MYO6: variants seen among roughly 807,000 people sequenced by gnomAD.
MYO6 encodes the protein myosin VI.
In MYO6, 74 loss-of-function variants were observed where a neutral mutation model predicts 178.7. The ratio of observed to expected loss-of-function variants is 0.41; its 90% CI spans 0.34 to 0.50. The LOEUF is 0.50. MYO6 is among the 20% of genes least tolerant of loss of function. The pLI, the probability that MYO6 is intolerant of heterozygous loss-of-function variation, is 0.09. For missense variants in MYO6, 1,330 were observed against 1,547.4 expected (o/e 0.86, Z 2.36); for synonymous variants, 477 against 504.6 (o/e 0.95, Z 0.73).
intron 1 of MYO6, among the ~76,000 whole-genome samples, chr6:75,815,039 G>T (rs1480561873): frequency 6.6e-6 from 1 of 152,188 alleles, no homozygotes; most frequent in African/African-American, 2.4e-5. Flanking sequence ...GAAATGAAAT[G>T]ATTAGATTTA....
Position 75,891,214 on chromosome 6 carries a change from C to G in MYO6, c.2868-14C>G. On this transcript the variant is annotated splice_polypyrimidine_tract_variant and intron_variant, in intron 26 of 34. Transcript: ENST00000369977. Reference sequence around the variant, plus strand: ...TTCTGTTAAATTTTTGAAGAGTTTTCTATTTTTTATTAGGAAACTTGAGAT... The same window carrying G: ...TTCTGTTAAATTTTTGAAGAGTTTTGTATTTTTTATTAGGAAACTTGAGAT... The G allele has an allele frequency of 3.2e-6, 5 of 1,565,602 alleles. No homozygotes were observed. Among genetic ancestry groups the G allele is most frequent in the Non-Finnish European group, 1.7e-6 (2 of 1,142,968 alleles).
intron 30 of MYO6, among the ~76,000 whole-genome samples, chr6:75,898,908 C>A (rs945247646): frequency 3.9e-5 from 6 of 152,098 alleles, no homozygotes; most frequent in African/African-American, 1.4e-4. Context: ...TGGTCCATTA[C>A]TTTTATAAAT....
At chr6:75,911,966 T>C (rs1780789295) in intron 33 of MYO6, among the ~76,000 whole-genome samples, 1 of 152,046 alleles carries the variant, frequency 6.6e-6, no homozygotes, top group African/African-American at 2.4e-5. Context: ...CATTTTAAAC[T>C]GAGAGTATGT....
chr6:75,893,938 C>T (rs577990473), intron 28 of MYO6, among the ~76,000 whole-genome samples: 1 of 152,290 alleles, frequency 6.6e-6, no homozygotes, highest in East Asian at 1.9e-4. Context: ...TGTGTTGCAT[C>T]AGAATGATTG....
intron 1 of MYO6, among the ~76,000 whole-genome samples, chr6:75,773,320 G>C (rs1766062890): frequency 1.3e-5 from 2 of 152,152 alleles, no homozygotes; most frequent in Non-Finnish European, 2.9e-5. Context: ...CCATTGTGGA[G>C]AAACTAAGGT....
At chr6:75,772,409 A>G (rs1452548683) in intron 1 of MYO6, among the ~76,000 whole-genome samples, 15 of 152,146 alleles carry the variant, frequency 9.9e-5, no homozygotes, top group Admixed American at 7.2e-4. Context: ...AATTTAGATA[A>G]ACTTTCTTCG....
At chr6:75,912,329 C>T (rs1468002235) in intron 33 of MYO6, among the ~76,000 whole-genome samples, 1 of 151,886 alleles carries the variant, frequency 6.6e-6, no homozygotes, top group East Asian at 1.9e-4. Context: ...ACTGGTTGGA[C>T]CTGATGTTTT....
intron 30 of MYO6, among the ~76,000 whole-genome samples, chr6:75,906,677 A>AAAAAAAC (rs199797436): frequency 1.3e-5 from 2 of 152,250 alleles, no homozygotes; most frequent in East Asian, 1.9e-4. Flanking sequence ...CCCCTTCTCA[A>AAAAAAAC]AAAAAACAAA....
chr6:75,788,222 G>C (rs1767872533), intron 1 of MYO6, among the ~76,000 whole-genome samples: 1 of 151,934 alleles, frequency 6.6e-6, no homozygotes, highest in Non-Finnish European at 1.5e-5. Context: ...AGATTAGCTA[G>C]GTGTGGTGGT....
chr6:75,751,964 T>C (rs1437582524), intron 1 of MYO6, among the ~76,000 whole-genome samples: 2 of 152,072 alleles, frequency 1.3e-5, no homozygotes, highest in African/African-American at 4.8e-5. Flanking sequence ...GGAAGTGTTA[T>C]AACTTAAATA....
chr6:75,750,628 A>G (rs1023104680), intron 1 of MYO6, among the ~76,000 whole-genome samples: 5 of 146,526 alleles, frequency 3.4e-5, no homozygotes, highest in African/African-American at 1.3e-4. Flanking sequence ...TTTTTTTTTG[A>G]GACAGAGCCT....
chr6:75,907,816 G>GTGTGTA, intron 31 of MYO6, 108 bp downstream of exon 31: 1 of 776,338 alleles, frequency 1.3e-6, no homozygotes, highest in South Asian at 1.5e-5. Context: ...GTGTGTGTGT[G>GTGTGTA]TATGTGTGTA....
chr6:75,818,024 C>T (rs1255850417), intron 2 of MYO6, among the ~76,000 whole-genome samples: 2 of 151,996 alleles, frequency 1.3e-5, no homozygotes, highest in African/African-American at 4.8e-5. Context: ...ATTAGTGTGT[C>T]TGTGATCGAC....
chr6:75,909,128 A>C (rs1420044163), intron 32 of MYO6, among the ~76,000 whole-genome samples: 3 of 152,214 alleles, frequency 2.0e-5, no homozygotes, highest in Non-Finnish European at 4.4e-5. Flanking sequence ...GGGCTCAAGC[A>C]ATCCTCCTGC....
chr6:75,896,121 A>C (rs1779282923), intron 29 of MYO6, among the ~76,000 whole-genome samples: 1 of 152,114 alleles, frequency 6.6e-6, no homozygotes, highest in African/African-American at 2.4e-5. Flanking sequence ...ATTTTGGAAT[A>C]TATATAAAAT....
intron 6 of MYO6, 102 bp downstream of exon 6, chr6:75,833,049 C>T: frequency 1.3e-6 from 1 of 784,682 alleles, no homozygotes; most frequent in South Asian, 1.4e-5. Flanking sequence ...TGCAGTGTCA[C>T]CACCACAGCT....
intron 1 of MYO6, among the ~76,000 whole-genome samples, chr6:75,795,551 C>T (rs777632308): frequency 2.2e-4 from 34 of 152,242 alleles, no homozygotes; most frequent in Non-Finnish European, 3.8e-4. Flanking sequence ...TAAATTGTGT[C>T]TGTCTCAAGT....
At chr6:75,768,326 CATTTTATTTTATTTTATTTTATTTT>C (rs57473480) in intron 1 of MYO6, among the ~76,000 whole-genome samples, 6,117 of 119,492 alleles carry the variant, frequency 0.051, 196 homozygotes, top group African/African-American at 0.077. Context: ...GTAAATAATT[CATTTTATTTTATTTTATTTTATTTT>C]ATTTTATTTT....
chr6:75,807,813 C>T lies in MYO6; in HGVS notation c.-47-9688C>T, dbSNP rs559742087. 2.2e-3 allele frequency among the ~76,000 whole-genome samples: 339 copies of T among 152,318 alleles called. 1 individual carries two copies. Among genetic ancestry groups the T allele is most frequent in the Admixed American group, 3.4e-3 (52 of 15,304 alleles). On this transcript the variant is annotated intron_variant, in intron 1 of 34. Transcript: ENST00000369977. ...TGGGTTTTAGCCAGCTTCTTTACTG[C>T]AGCCCGTTTTATCAGCAGGGTCTTT... is the stretch of plus-strand genomic sequence containing the variant.
Sources: gnomAD v4.1 joint callset for allele counts (sites outside exome capture counted in the v4.1 genomes callset) on GRCh38, gnomAD v4.1.1 for gene constraint, MANE v1.5 for transcripts, NCBI Gene and HGNC (gene_info 2026-07-23, HGNC 2026-07-21) for gene names.